BRD10: variants seen among roughly 807,000 people sequenced by gnomAD.
BRD10 encodes the protein bromodomain containing 10.
chr9:5,906,279 G>A, the BRD10 span, among the ~76,000 whole-genome samples: 4 of 149,470 alleles, frequency 2.7e-5, no homozygotes, highest in East Asian at 1.9e-4. Context: ...GCAGTGAGCC[G>A]AGATCGTGCC....
At chr9:5,880,892 A>G in the BRD10 span, among the ~76,000 whole-genome samples, 4 of 151,952 alleles carry the variant, frequency 2.6e-5, no homozygotes, top group African/African-American at 9.7e-5. Flanking sequence ...TTTAGTAGAC[A>G]TGGGGTTTCA....
the BRD10 span, among the ~76,000 whole-genome samples, chr9:5,981,871 G>A: frequency 6.6e-5 from 10 of 152,160 alleles, no homozygotes; most frequent in South Asian, 2.1e-4. Flanking sequence ...GCTCAGATAC[G>A]TAAATAAATG....
the BRD10 span, among the ~76,000 whole-genome samples, chr9:5,957,945 C>G: frequency 6.6e-6 from 1 of 152,022 alleles, no homozygotes; most frequent in African/African-American, 2.4e-5. Flanking sequence ...TGATCATATC[C>G]CAGGCCTTTT....
At chr9:5,999,902 AC>A in the BRD10 span, among the ~76,000 whole-genome samples, 6,245 of 152,082 alleles carry the variant, frequency 0.041, 330 homozygotes, top group South Asian at 0.13. Context: ...ACCACATACT[AC>A]CTTCTTGCAT....
At chr9:5,966,738 G>GT in the BRD10 span, among the ~76,000 whole-genome samples, 1 of 152,182 alleles carries the variant, frequency 6.6e-6, no homozygotes, top group Admixed American at 6.5e-5. Flanking sequence ...GATTACAGGT[G>GT]TAAGCCACCG....
chr9:5,879,855 C>A, the BRD10 span, among the ~76,000 whole-genome samples: 2 of 152,172 alleles, frequency 1.3e-5, no homozygotes, highest in Non-Finnish European at 2.9e-5. Flanking sequence ...GCTCGGATCT[C>A]CCTGTCAGAT....
At chr9:6,006,746 AATT>A in the BRD10 span, among the ~76,000 whole-genome samples, 36 of 152,210 alleles carry the variant, frequency 2.4e-4, no homozygotes, top group African/African-American at 8.7e-4. Flanking sequence ...TAAATGATAA[AATT>A]ATTTTTTAAT....
the BRD10 span, among the ~76,000 whole-genome samples, chr9:5,950,461 T>C: frequency 6.6e-6 from 1 of 152,022 alleles, no homozygotes; most frequent in African/African-American, 2.4e-5. Flanking sequence ...CCCCACAGAG[T>C]TAATCAGTGG....
chr9:5,923,318 T>C, the BRD10 span: 1 of 1,573,136 alleles, frequency 6.4e-7, no homozygotes, highest in East Asian at 2.3e-5. Flanking sequence ...ATCTGAAAAT[T>C]ATAAAAACGG....
the BRD10 span, among the ~76,000 whole-genome samples, chr9:5,903,517 T>C: frequency 1.3e-5 from 2 of 152,232 alleles, no homozygotes; most frequent in Non-Finnish European, 2.9e-5. Flanking sequence ...AATGTTGGCC[T>C]CATACAATGA....
chr9:5,912,408 G>A, the BRD10 span, among the ~76,000 whole-genome samples: 2 of 152,070 alleles, frequency 1.3e-5, no homozygotes, highest in South Asian at 2.1e-4. Flanking sequence ...CACCACTGAA[G>A]GTGACCCTAA....
the BRD10 span, chr9:5,920,786 G>A: frequency 1.2e-6 from 2 of 1,614,000 alleles, no homozygotes; most frequent in Non-Finnish European, 1.7e-6. Flanking sequence ...CAAAGCTGAT[G>A]TTAAACATTT....
At chr9:5,992,096 T>A in the BRD10 span, among the ~76,000 whole-genome samples, 1 of 152,220 alleles carries the variant, frequency 6.6e-6, no homozygotes, top group East Asian at 1.9e-4. Flanking sequence ...TAATAAACGA[T>A]ACCCTATCAC....
chr9:5,995,573 G>A, the BRD10 span, among the ~76,000 whole-genome samples: 1 of 152,064 alleles, frequency 6.6e-6, no homozygotes, highest in Non-Finnish European at 1.5e-5. Flanking sequence ...AATCTATAAT[G>A]TGGCATCTGC....
chr9:5,920,281 T>C, the BRD10 span: 5 of 1,613,976 alleles, frequency 3.1e-6, no homozygotes, highest in Non-Finnish European at 4.2e-6. Flanking sequence ...GGCTGCCAGC[T>C]CCAAGACCTT....
the BRD10 span, among the ~76,000 whole-genome samples, chr9:5,940,987 A>C: frequency 6.6e-6 from 1 of 152,124 alleles, no homozygotes; most frequent in Non-Finnish European, 1.5e-5. Context: ...AGTTATTGCA[A>C]AATTTTCACT....
chr9:5,998,858 G>T, the BRD10 span, among the ~76,000 whole-genome samples: 6 of 152,082 alleles, frequency 3.9e-5, no homozygotes, highest in Admixed American at 3.3e-4. Context: ...TTGTACGAAG[G>T]ATTTAGATAA....
the BRD10 span, among the ~76,000 whole-genome samples, chr9:5,940,196 G>A: frequency 2.6e-5 from 4 of 151,766 alleles, no homozygotes; most frequent in African/African-American, 9.7e-5. Context: ...TTTGTTTTGA[G>A]ATAGTCTTGC....
the BRD10 span, among the ~76,000 whole-genome samples, chr9:5,939,719 CAGGGTTTTACA>C: frequency 2.9e-4 from 44 of 152,244 alleles, no homozygotes; most frequent in East Asian, 8.5e-3. Context: ...AGGCTTTTAC[CAGGGTTTTACA>C]ACCTCAGCAC....
Sources: gnomAD v4.1 joint callset for allele counts (sites outside exome capture counted in the v4.1 genomes callset) on GRCh38, gnomAD v4.1.1 for gene constraint, MANE v1.5 for transcripts, NCBI Gene and HGNC (gene_info 2026-07-23, HGNC 2026-07-21) for gene names.